Variants in MYO3B observed in about 807,000 individuals in gnomAD.
MYO3B encodes myosin IIIB, also known as myosin-IIIb.
Under a neutral mutation model 174.6 loss-of-function variants are expected in MYO3B, and 156 were observed. The ratio of observed to expected loss-of-function variants is 0.89; its 90% CI spans 0.78 to 1.02. The LOEUF (loss-of-function observed/expected upper bound fraction) is 1.02, where lower values mean the gene tolerates loss of function less well. Ranked by LOEUF, MYO3B falls within the 50% of genes least tolerant of loss-of-function variation. The pLI, the probability that MYO3B is intolerant of heterozygous loss-of-function variation, is 0.00. For missense variants in MYO3B, 1,632 were observed against 1,639.4 expected (o/e 1.00, Z 0.08); for synonymous variants, 563 against 569.1 (o/e 0.99, Z 0.15).
intron 23 of MYO3B, among the ~76,000 whole-genome samples, chr2:170,450,414 C>T (rs918342573): frequency 1.4e-4 from 22 of 152,050 alleles, no homozygotes; most frequent in Admixed American, 9.2e-4. Context: ...CCCAGGTCAC[C>T]GTAAGTCATT....
At chr2:170,485,443 A>C (rs996001864) in intron 25 of MYO3B, among the ~76,000 whole-genome samples, 3 of 150,750 alleles carry the variant, frequency 2.0e-5, no homozygotes, top group Non-Finnish European at 4.4e-5. Context: ...AGAGAGAGAG[A>C]GCGAGTGAGT....
intron 32 of MYO3B, among the ~76,000 whole-genome samples, chr2:170,578,374 C>A (rs1692927311): frequency 6.6e-6 from 1 of 152,220 alleles, no homozygotes; most frequent in African/African-American, 2.4e-5. Flanking sequence ...ATGGCCTGGA[C>A]TTTTAAAACA....
intron 9 of MYO3B, among the ~76,000 whole-genome samples, chr2:170,377,320 G>A (rs774786524): frequency 1.3e-5 from 2 of 152,198 alleles, no homozygotes; most frequent in African/African-American, 4.8e-5. Context: ...GTCCTCTAAA[G>A]CTCCTTTCCC....
intron 1 of MYO3B, chr2:170,180,039 G>C (rs1403130058): frequency 3.9e-6 from 1 of 254,008 alleles, no homozygotes; most frequent in African/African-American, 2.2e-5. Context: ...ATAGCATACT[G>C]AGCAATGGAA....
At chr2:170,203,495 C>CGGGGG (rs1328744987) in intron 3 of MYO3B, among the ~76,000 whole-genome samples, 9 of 3,460 alleles carry the variant, frequency 2.6e-3, no homozygotes, top group Non-Finnish European at 5.2e-3. Context: ...CAAAAGGGGG[C>CGGGGG]GGCGGGGGGG....
chr2:170,480,698 G>A (rs896893388), intron 25 of MYO3B, among the ~76,000 whole-genome samples: 13 of 152,148 alleles, frequency 8.5e-5, no homozygotes, highest in Non-Finnish European at 1.3e-4. Context: ...ATCTCCAGGT[G>A]GACAATGTCC....
intron 25 of MYO3B, among the ~76,000 whole-genome samples, chr2:170,474,184 G>A (rs1685164383): frequency 6.6e-6 from 1 of 152,114 alleles, no homozygotes; most frequent in Non-Finnish European, 1.5e-5. Context: ...TGTTGGCAAA[G>A]ATGGTCCCTG....
Position 170,180,501 on chromosome 2 carries a change from TG to T in MYO3B, c.2+2213del, listed in dbSNP as rs1430673715. 3.9e-5 allele frequency among the ~76,000 whole-genome samples: 6 copies of T among 152,222 alleles called. No homozygotes were observed. In the East Asian group the frequency reaches 1.2e-3, roughly 29 times the overall value. Reference sequence around the variant, plus strand: ...TCTTTTTCTTCTCAGGATGAGCCTCTGTTTCATATGGTTTCTGCTATCCTCT... The same window carrying T: ...TCTTTTTCTTCTCAGGATGAGCCTCTTTTCATATGGTTTCTGCTATCCTCT... On this transcript the variant is annotated intron_variant, in intron 1 of 34. Coordinates refer to ENST00000408978, the MANE Select transcript of MYO3B (RefSeq NM_138995.5).
rs2094821637 is a variant in MYO3B, at chr2:170,443,986, A to G, written c.2670A>G (p.Arg890=). 1 of 1,612,758 alleles carries G rather than the reference A, an allele frequency of 6.2e-7. No individual in the cohort carries two copies. The highest frequency in any genetic ancestry group is 1.3e-5 in the African/African-American group (1 of 74,896). Residue 890 remains arginine, a synonymous_variant, in exon 23 of 35, where the codon AGA becomes AGG. Transcript: ENST00000408978. ...LTKTGNLAQT[R]ARITVASSSL... ...TCTCAGGTAATTTGGCCCAGACAAG[A>G]GCTAGGATAACAGTGGCCTCAAGTT...
chr2:170,401,416 T>C, intron 17 of MYO3B, 65 bp from the exon 18 acceptor site: 5 of 1,468,714 alleles, frequency 3.4e-6, no homozygotes, highest in Non-Finnish European at 4.7e-6. Flanking sequence ...GTTGAATAAA[T>C]GCTGAACAGA....
At chr2:170,547,046 G>T (rs1319395422) in intron 32 of MYO3B, among the ~76,000 whole-genome samples, 1 of 152,016 alleles carries the variant, frequency 6.6e-6, no homozygotes, top group African/African-American at 2.4e-5. Context: ...CTGGCACGGC[G>T]TGGTGGCTCA....
chr2:170,381,321 A>T (rs1312850047), intron 9 of MYO3B, among the ~76,000 whole-genome samples: 1 of 152,188 alleles, frequency 6.6e-6, no homozygotes, highest in Non-Finnish European at 1.5e-5. Flanking sequence ...TTTAATGAAA[A>T]AAGTAAGCTT....
intron 21 of MYO3B, 63 bp downstream of exon 21, chr2:170,405,696 T>G: frequency 3.2e-6 from 4 of 1,263,206 alleles, no homozygotes; most frequent in Non-Finnish European, 4.6e-6. Flanking sequence ...TGTATTACCC[T>G]GTCTGTGCTG....
At chr2:170,368,806 T>C (rs914859447) in intron 8 of MYO3B, among the ~76,000 whole-genome samples, 1 of 152,132 alleles carries the variant, frequency 6.6e-6, no homozygotes, top group African/African-American at 2.4e-5. Flanking sequence ...GCATTTCATA[T>C]ATTAGGATTT....
At chr2:170,600,683 T>C (rs1694451309) in intron 32 of MYO3B, among the ~76,000 whole-genome samples, 1 of 152,216 alleles carries the variant, frequency 6.6e-6, no homozygotes, top group Admixed American at 6.5e-5. Context: ...ACAAAAAATT[T>C]AATTTGGCAG....
intron 8 of MYO3B, among the ~76,000 whole-genome samples, chr2:170,366,775 T>C (rs1400086236): frequency 1.3e-5 from 2 of 152,206 alleles, no homozygotes; most frequent in East Asian, 3.8e-4. Flanking sequence ...ACATATCAAA[T>C]GATCTTGCGA....
chr2:170,380,741 A>C (rs549651571), intron 9 of MYO3B, among the ~76,000 whole-genome samples: 1 of 152,234 alleles, frequency 6.6e-6, no homozygotes, highest in Non-Finnish European at 1.5e-5. Context: ...ATATATACAC[A>C]AAAAGATGTG....
chr2:170,521,810 TC>T (rs1464413734), intron 30 of MYO3B, among the ~76,000 whole-genome samples: 70 of 152,300 alleles, frequency 4.6e-4, no homozygotes, highest in African/African-American at 1.6e-3. Context: ...GTCCACTGCC[TC>T]ATTTCCTCAC....
At chr2:170,393,596 T>C (rs1469636153) in intron 16 of MYO3B, among the ~76,000 whole-genome samples, 1 of 152,066 alleles carries the variant, frequency 6.6e-6, no homozygotes, top group Admixed American at 6.6e-5. Flanking sequence ...TAGGTGAGAG[T>C]GTTAAATCTT....
Sources: gnomAD v4.1 joint callset for allele counts (sites outside exome capture counted in the v4.1 genomes callset) on GRCh38, gnomAD v4.1.1 for gene constraint, MANE v1.5 for transcripts, NCBI Gene and HGNC (gene_info 2026-07-23, HGNC 2026-07-21) for gene names.